Variants in ECHDC1 observed in about 807,000 individuals in gnomAD.
ECHDC1 encodes the protein ethylmalonyl-CoA decarboxylase 1, also known as ethylmalonyl-CoA decarboxylase.
Under a neutral mutation model 29.7 loss-of-function variants are expected in ECHDC1, and 29 were observed. The observed-to-expected ratio is 0.98, with a 90% CI of 0.73 to 1.33. The LOEUF (loss-of-function observed/expected upper bound fraction) is 1.33, where lower values mean the gene tolerates loss of function less well. Ranked by LOEUF, ECHDC1 falls within the 40% of genes most tolerant of loss-of-function variation. The pLI, the probability that ECHDC1 is intolerant of heterozygous loss-of-function variation, is 0.00. For missense variants in ECHDC1, 328 were observed against 350.0 expected, an observed-to-expected ratio of 0.94 and a Z score of 0.50; for synonymous variants, 126 against 123.1, an observed-to-expected ratio of 1.02 and a Z score of -0.15.
In ECHDC1 at chr6:127,291,598, C is replaced by T. The variant is rs368855996; in HGVS notation, c.498-1321G>A. 6.2e-4 allele frequency among the ~76,000 whole-genome samples: 94 copies of T among 152,226 alleles called. No individual in the cohort carries two copies. In the East Asian group the frequency reaches 0.01, roughly 17 times the overall value. ...ACACGATTTAGCTTTACTAAATAAA[C>T]GCCCATGCGTTTTATTTTGACTGCA... On this transcript the variant is annotated intron_variant, in intron 5 of 5. Coordinates refer to ENST00000454859, the MANE Select transcript of ECHDC1 (RefSeq NM_001002030.2).
chr6:127,308,590 A>G (rs890693611), intron 5 of ECHDC1, among the ~76,000 whole-genome samples: 3 of 152,200 alleles, frequency 2.0e-5, no homozygotes, highest in South Asian at 2.1e-4. Context: ...TCTAAGATCT[A>G]CAACACAACA....
intron 1 of ECHDC1, among the ~76,000 whole-genome samples, chr6:127,335,641 C>A (rs1784363919): frequency 6.6e-6 from 1 of 151,982 alleles, no homozygotes; most frequent in African/African-American, 2.4e-5. Context: ...AAAAAAGTCA[C>A]CAGTTGCCAG....
At chr6:127,330,649 C>T (rs1783839127) in intron 2 of ECHDC1, among the ~76,000 whole-genome samples, 160 bp downstream of exon 2, 1 of 152,114 alleles carries the variant, frequency 6.6e-6, no homozygotes, top group South Asian at 2.1e-4. Flanking sequence ...TAAAGTGTTT[C>T]TAGTTCATAT....
intron 2 of ECHDC1, 137 bp from the exon 3 acceptor site, chr6:127,327,281 C>G (rs1394914959): frequency 2.1e-6 from 2 of 964,754 alleles, no homozygotes; most frequent in Non-Finnish European, 3.0e-6. Context: ...TATCAAATGC[C>G]TACTGCACTG....
chr6:127,326,377 A>G lies in ECHDC1; in HGVS notation c.363+625T>C. The G allele has an allele frequency of 1.9e-5, 5 of 269,070 alleles. 1 individual carries two copies. In the South Asian group the frequency reaches 2.3e-4, roughly 12 times the overall value. 16.7% of individuals were successfully genotyped at this position (269,070 alleles called of 1,614,324 possible). A position where few individuals can be genotyped will look rare whatever the true frequency, so the allele number is the denominator to read the frequency against. On this transcript the variant is annotated intron_variant, in intron 3 of 5. Transcript: ENST00000454859. Reference sequence around the variant, plus strand: ...CAGCCATGCTTCCTGTATAGCGTGCAGAACTGTAAGTCAATGAAATGTCTT... The same window carrying G: ...CAGCCATGCTTCCTGTATAGCGTGCGGAACTGTAAGTCAATGAAATGTCTT...
At chr6:127,340,753 T>C (rs1287288062) in intron 1 of ECHDC1, among the ~76,000 whole-genome samples, 1 of 152,164 alleles carries the variant, frequency 6.6e-6, no homozygotes, top group African/African-American at 2.4e-5. Context: ...TTTTTTTTTT[T>C]TTTGCCTGTC....
At chr6:127,300,340 T>G (rs1263206916) in intron 5 of ECHDC1, among the ~76,000 whole-genome samples, 1 of 152,182 alleles carries the variant, frequency 6.6e-6, no homozygotes, top group Admixed American at 6.5e-5. Flanking sequence ...CCCGAAGAGA[T>G]GACCTAATCT....
At chr6:127,323,094 C>A (rs1042844925) in intron 3 of ECHDC1, among the ~76,000 whole-genome samples, 1 of 151,940 alleles carries the variant, frequency 6.6e-6, no homozygotes, top group African/African-American at 2.4e-5. Flanking sequence ...ATAAAATTAC[C>A]TCCAGGCTGT....
At chr6:127,327,300 G>T (rs562488557) in intron 2 of ECHDC1, among the ~76,000 whole-genome samples, 156 bp from the exon 3 acceptor site, 3 of 152,232 alleles carry the variant, frequency 2.0e-5, no homozygotes, top group African/African-American at 7.2e-5. Context: ...TGGCACTATG[G>T]AGTATACAGA....
intron 5 of ECHDC1, among the ~76,000 whole-genome samples, chr6:127,302,489 T>A (rs1781128455): frequency 1.3e-5 from 2 of 151,992 alleles, no homozygotes; most frequent in South Asian, 4.1e-4. Flanking sequence ...AACCTCTGCC[T>A]CCCGGGTTCA....
At chr6:127,311,836 G>A (rs561318698) in intron 5 of ECHDC1, among the ~76,000 whole-genome samples, 5 of 150,792 alleles carry the variant, frequency 3.3e-5, no homozygotes, top group Non-Finnish European at 7.4e-5. Flanking sequence ...ACTGAATGAG[G>A]TCTGTAGATT....
intron 5 of ECHDC1, among the ~76,000 whole-genome samples, chr6:127,299,773 C>G (rs1292187528): frequency 6.6e-6 from 1 of 152,116 alleles, no homozygotes; most frequent in East Asian, 1.9e-4. Context: ...ACTTGCCACT[C>G]ACTCACTCAC....
At chr6:127,311,411 C>T (rs771072781) in intron 5 of ECHDC1, among the ~76,000 whole-genome samples, 1 of 152,158 alleles carries the variant, frequency 6.6e-6, no homozygotes, top group South Asian at 2.1e-4. Flanking sequence ...TGGTGGCTCA[C>T]GCCTGTAATC....
intron 1 of ECHDC1, among the ~76,000 whole-genome samples, chr6:127,332,029 T>C (rs903990569): frequency 2.0e-5 from 3 of 152,174 alleles, no homozygotes; most frequent in Non-Finnish European, 2.9e-5. Flanking sequence ...TAAGATTATA[T>C]GCAAAAAAGT....
Position 127,316,468 on chromosome 6 carries a change from G to A in ECHDC1, c.398C>T (p.Thr133Ile). 1 of 1,606,144 alleles carries A rather than the reference G, an allele frequency of 6.2e-7. No individual in the cohort carries two copies. Among genetic ancestry groups the A allele is most frequent in the South Asian group, 1.1e-5 (1 of 89,122 alleles). The change falls in exon 4 of 6, where the codon ACC (threonine) becomes ATC (isoleucine). Residue 133 changes from threonine (T) to isoleucine (I), a missense_variant. Coordinates refer to ENST00000454859, the MANE Select transcript of ECHDC1 (RefSeq NM_001002030.2). Reference protein sequence around the residue: ...GMAVCMFMQNTLTRFMRLPLI... With the variant: ...GMAVCMFMQNILTRFMRLPLI... ...GCATTACCTCATAAATCTTGTTAAG[G>A]TGTTTTGCATGAACATGCATACGGC...
At chr6:127,291,162 G>C (rs1365051436) in intron 5 of ECHDC1, among the ~76,000 whole-genome samples, 3 of 151,758 alleles carry the variant, frequency 2.0e-5, no homozygotes, top group Non-Finnish European at 4.4e-5. Flanking sequence ...TATTTTTTAA[G>C]TGTAAAGTTA....
At chr6:127,305,919 T>A (rs1781403423) in intron 5 of ECHDC1, among the ~76,000 whole-genome samples, 1 of 142,882 alleles carries the variant, frequency 7.0e-6, no homozygotes, top group African/African-American at 2.6e-5. Context: ...AAAAAACAAA[T>A]AAAATGGCAG....
intron 5 of ECHDC1, among the ~76,000 whole-genome samples, chr6:127,312,713 C>T (rs1447596106): frequency 6.6e-6 from 1 of 152,098 alleles, no homozygotes; most frequent in East Asian, 1.9e-4. Flanking sequence ...ACTTACTGTG[C>T]TATATAGGCA....
intron 5 of ECHDC1, among the ~76,000 whole-genome samples, chr6:127,296,668 A>T (rs890341945): frequency 1.3e-5 from 2 of 152,190 alleles, no homozygotes; most frequent in East Asian, 3.8e-4. Flanking sequence ...TTCACCAAAA[A>T]AAATTTTTTA....
Sources: allele counts gnomAD v4.1 joint callset (sites outside exome capture counted in the v4.1 genomes callset), GRCh38; gene constraint gnomAD v4.1.1; transcripts MANE v1.5; gene names NCBI Gene and HGNC (gene_info 2026-07-23, HGNC 2026-07-21).